OSBPL1A: variants seen among roughly 807,000 people sequenced by gnomAD.
OSBPL1A encodes the protein oxysterol binding protein like 1A, also known as oxysterol-binding protein-related protein 1.
OSBPL1A carries 80 observed loss-of-function variants against 137.1 expected under a neutral mutation model. The ratio of observed to expected loss-of-function variants is 0.58; its 90% confidence interval spans 0.49 to 0.70. The LOEUF is 0.70. OSBPL1A is among the 30% of genes least tolerant of loss of function. OSBPL1A has a pLI of 0.00. For missense variants in OSBPL1A, 970 were observed against 1,129.4 expected (o/e 0.86, Z 2.02); for synonymous variants, 365 against 389.7 (o/e 0.94, Z 0.75).
At chr18:24,330,208 G>A (rs750382777) in intron 7 of OSBPL1A, among the ~76,000 whole-genome samples, 26 of 152,118 alleles carry the variant, frequency 1.7e-4, no homozygotes, top group Non-Finnish European at 3.2e-4. Context: ...CTGTACAAGT[G>A]TAAATTTTGG....
intron 17 of OSBPL1A, among the ~76,000 whole-genome samples, chr18:24,219,668 T>C (rs1010845392): frequency 6.6e-6 from 1 of 151,916 alleles, no homozygotes; most frequent in Non-Finnish European, 1.5e-5. Context: ...GCTTAGAAAA[T>C]GCTAGAACTG....
intron 21 of OSBPL1A, among the ~76,000 whole-genome samples, chr18:24,173,566 C>T (rs12606745): frequency 0.18 from 27,506 of 151,966 alleles, 2,880 homozygotes; most frequent in East Asian, 0.36. Context: ...GCACGTGCCA[C>T]CATGCCCGGC....
chr18:24,326,959 T>TA (rs948668468), intron 7 of OSBPL1A, among the ~76,000 whole-genome samples: 1 of 152,170 alleles, frequency 6.6e-6, no homozygotes, highest in African/African-American at 2.4e-5. Context: ...CTACAATTTT[T>TA]AAAAAATGTT....
At chr18:24,371,471 G>A (rs1252254604) in intron 2 of OSBPL1A, among the ~76,000 whole-genome samples, 2 of 152,076 alleles carry the variant, frequency 1.3e-5, no homozygotes, top group East Asian at 1.9e-4. Context: ...CTTTCCTCCC[G>A]AGGTCTAAGA....
intron 1 of OSBPL1A, among the ~76,000 whole-genome samples, chr18:24,393,768 T>C (rs1429898554): frequency 6.6e-6 from 1 of 152,226 alleles, no homozygotes; most frequent in Non-Finnish European, 1.5e-5. Context: ...ATGTATTTTA[T>C]AAAATTCAAT....
chr18:24,309,911 GTGT>G (rs1451054008), intron 13 of OSBPL1A, among the ~76,000 whole-genome samples: 1 of 151,906 alleles, frequency 6.6e-6, no homozygotes, highest in Non-Finnish European at 1.5e-5. Context: ...GCTGGGCATG[GTGT>G]TGTGTGCCTG....
intron 4 of OSBPL1A, among the ~76,000 whole-genome samples, chr18:24,366,087 C>T (rs1308296883): frequency 1.3e-5 from 2 of 152,150 alleles, no homozygotes; most frequent in Admixed American, 6.5e-5. Flanking sequence ...AATTAGGGTT[C>T]CCATGACTCC....
chr18:24,223,588 ACT>A (rs1456754192), intron 17 of OSBPL1A, among the ~76,000 whole-genome samples: 1 of 152,096 alleles, frequency 6.6e-6, no homozygotes, highest in Non-Finnish European at 1.5e-5. Flanking sequence ...TCTCATCTTA[ACT>A]TTCACATTTG....
At chr18:24,331,397 C>CTTT (rs1211637974) in intron 7 of OSBPL1A, among the ~76,000 whole-genome samples, 2 of 140,454 alleles carry the variant, frequency 1.4e-5, no homozygotes, top group African/African-American at 5.2e-5. Flanking sequence ...GCATGTTCCT[C>CTTT]TTTTTTTTTT....
intron 2 of OSBPL1A, among the ~76,000 whole-genome samples, chr18:24,369,411 G>A (rs542540392): frequency 6.6e-6 from 1 of 152,340 alleles, no homozygotes; most frequent in East Asian, 1.9e-4. Context: ...CAATCAGACT[G>A]TAGCAAATAC....
chr18:24,360,939 G>GT (rs1469123090), intron 4 of OSBPL1A, among the ~76,000 whole-genome samples: 1 of 152,224 alleles, frequency 6.6e-6, no homozygotes, highest in East Asian at 1.9e-4. Context: ...TAATTATCTT[G>GT]TTTTTACTAA....
chr18:24,287,095 C>A (rs969792679), intron 14 of OSBPL1A, among the ~76,000 whole-genome samples: 1 of 152,142 alleles, frequency 6.6e-6, no homozygotes, highest in Admixed American at 6.5e-5. Context: ...AGGAGAGAAG[C>A]CAGCAGAACT....
In OSBPL1A at chr18:24,311,456, A is replaced by G. The variant is rs913719388; in HGVS notation, c.1092+528T>C. The G allele has an allele frequency of 3.0e-6, 3 of 985,384 alleles. No homozygotes were observed. The African/African-American group carries it at 5.2e-5, about 17-fold the overall frequency. The allele number at this position is 985,384 out of a possible 1,614,324, so 61.0% of individuals were successfully genotyped here. ...AACACCTATTTCATTTCAATTACCT[A>G]TGCTGATATTCCTCTAGGGATAAGG... On this transcript the variant is annotated intron_variant, in intron 13 of 27. Coordinates refer to ENST00000319481, the MANE Select transcript of OSBPL1A (RefSeq NM_080597.4).
chr18:24,194,432 G>C (rs185245751), intron 18 of OSBPL1A, among the ~76,000 whole-genome samples: 1 of 152,050 alleles, frequency 6.6e-6, no homozygotes, highest in Non-Finnish European at 1.5e-5. Context: ...TTGCATACTG[G>C]ATCATAAAGG....
chr18:24,362,849 A>T (rs1034556251), intron 4 of OSBPL1A, among the ~76,000 whole-genome samples: 10 of 152,246 alleles, frequency 6.6e-5, no homozygotes, highest in Admixed American at 3.9e-4. Context: ...GATATCCATT[A>T]AAGAAACAAA....
intron 7 of OSBPL1A, among the ~76,000 whole-genome samples, chr18:24,323,473 C>A (rs2090907400): frequency 2.0e-5 from 1 of 48,832 alleles, no homozygotes; most frequent in Non-Finnish European, 4.3e-5. Flanking sequence ...ATCCACCCAC[C>A]TCAGCCTCCC....
intron 15 of OSBPL1A, among the ~76,000 whole-genome samples, chr18:24,268,848 T>C (rs1040738900): frequency 6.6e-6 from 1 of 152,230 alleles, no homozygotes; most frequent in African/African-American, 2.4e-5. Context: ...TGACTCCCAA[T>C]GCTAATGATT....
intron 17 of OSBPL1A, among the ~76,000 whole-genome samples, chr18:24,224,469 G>GGT (rs2088000136): frequency 2.0e-5 from 3 of 151,984 alleles, no homozygotes; most frequent in African/African-American, 7.3e-5. Context: ...GAGAACTGTG[G>GGT]GTATCTATTA....
At chr18:24,176,068 T>C (rs975112880) in intron 21 of OSBPL1A, among the ~76,000 whole-genome samples, 12 of 152,242 alleles carry the variant, frequency 7.9e-5, no homozygotes, top group African/African-American at 2.2e-4. Flanking sequence ...AGCCTTAAAA[T>C]TGGGTAGTGG....
Sources: gnomAD v4.1 joint callset for allele counts (sites outside exome capture counted in the v4.1 genomes callset) on GRCh38, gnomAD v4.1.1 for gene constraint, MANE v1.5 for transcripts, NCBI Gene and HGNC (gene_info 2026-07-23, HGNC 2026-07-21) for gene names.